Variants in ARHGAP25 observed in about 807,000 individuals in gnomAD.
ARHGAP25 encodes Rho GTPase activating protein 25, also known as rho GTPase-activating protein 25.
ARHGAP25 carries 34 observed loss-of-function variants against 71.0 expected under a neutral mutation model. That is an observed-to-expected ratio of 0.48 (90% CI 0.36 to 0.64). The LOEUF (loss-of-function observed/expected upper bound fraction) is 0.64, where lower values mean the gene tolerates loss of function less well. Ranked by LOEUF, ARHGAP25 falls within the 30% of genes least tolerant of loss-of-function variation. The pLI is 0.00. For missense variants in ARHGAP25, 706 were observed against 805.1 expected (o/e 0.88, Z 1.49); for synonymous variants, 282 against 296.5 (o/e 0.95, Z 0.50).
chr2:68,789,328 G>A (rs539974086), intron 4 of ARHGAP25, among the ~76,000 whole-genome samples: 26 of 152,206 alleles, frequency 1.7e-4, no homozygotes, highest in African/African-American at 2.9e-4. Context: ...GTGAGCCACC[G>A]TGCCCGGCCT....
chr2:68,784,712 C>T (rs1332225584), intron 3 of ARHGAP25, among the ~76,000 whole-genome samples: 2 of 152,284 alleles, frequency 1.3e-5, no homozygotes, highest in East Asian at 1.9e-4. Flanking sequence ...TCATTGAGCA[C>T]CTCCTATGAG....
chr2:68,739,484 G>C (rs571112227), intron 1 of ARHGAP25, among the ~76,000 whole-genome samples: 1 of 152,318 alleles, frequency 6.6e-6, no homozygotes, highest in East Asian at 1.9e-4. Context: ...GCCCACTATG[G>C]GGGTGTTGGA....
At position 68,817,904 on chromosome 2, in the gene ARHGAP25, G is replaced by A. The variant is rs762242936; in HGVS notation, c.913G>A (p.Val305Ile). ...FLHEIQLNCA[V>I]NKMSVDNLAT... ...ACATGAAATACAGCTGAACTGTGCT[G>A]TTAACAAGATGAGTGTGGACAACCT... is the stretch of plus-strand genomic sequence containing the variant. Residue 305 changes from valine to isoleucine, a missense_variant, in exon 8 of 11, where the codon GTT becomes ATT. Transcript: ENST00000409202. 9 of 1,613,970 alleles carry A rather than the reference G, an allele frequency of 5.6e-6. No individual in the cohort carries two copies. The highest frequency in any genetic ancestry group is 1.6e-4 in the Middle Eastern group (1 of 6,084).
At chr2:68,731,294 C>T (rs554417729), upstream of ARHGAP25, among the ~76,000 whole-genome samples, 63 of 152,222 alleles carry the variant, frequency 4.1e-4, no homozygotes, top group Admixed American at 4.1e-3. Flanking sequence ...TGGAACTACA[C>T]CCTTCCAGTG....
rs1573558629 is a variant in ARHGAP25 at position 68,795,805 on chromosome 2, C to T, written c.466+7849C>T. Among the ~76,000 whole-genome samples the T allele has an allele frequency of 3.3e-5, 5 of 152,234 alleles. No individual in the cohort carries two copies. In the South Asian group the frequency reaches 1.0e-3, roughly 32 times the overall value. The stretch of plus-strand genomic sequence containing the variant: ...ATTTGGTATAAAGTCTAATTTAAGA[C>T]TTTTAAATTTATTTTCTGTCTAGAT... On this transcript the variant is annotated intron_variant, in intron 4 of 10. Coordinates refer to ENST00000409202, the MANE Select transcript of ARHGAP25 (RefSeq NM_001007231.3).
chr2:68,755,818 C>T (rs1366082954), intron 1 of ARHGAP25, among the ~76,000 whole-genome samples: 1 of 152,186 alleles, frequency 6.6e-6, no homozygotes, highest in East Asian at 1.9e-4. Context: ...CTTGAGCACA[C>T]GGAGCAAATC....
In ARHGAP25 at chr2:68,774,931, C is replaced by A; in HGVS notation, c.62-290C>A. On this transcript the variant is annotated intron_variant, in intron 1 of 10. Coordinates refer to ENST00000409202, the MANE Select transcript of ARHGAP25 (RefSeq NM_001007231.3). The stretch of plus-strand genomic sequence containing the variant: ...CTTCAGAAGGCTCCAGCCAACCTTT[C>A]GGTTTGCAGAATGACGGGGCCCGCC... 2.8e-6 allele frequency: 4 copies of A among 1,405,580 alleles called. 1 individual carries two copies. The South Asian group carries it at 6.1e-5, about 22-fold the overall frequency. The allele number at this position is 1,405,580 out of a possible 1,614,324, so 87.1% of individuals were successfully genotyped here.
intron 2 of ARHGAP25, among the ~76,000 whole-genome samples, chr2:68,776,156 C>T (rs775400189): frequency 2.6e-5 from 4 of 152,096 alleles, no homozygotes; most frequent in Non-Finnish European, 4.4e-5. Flanking sequence ...CATGTCTGGC[C>T]TGGCTGCGGA....
rs952917138 is a variant in ARHGAP25 at position 68,710,729 on chromosome 2, A to G, written c.-18+31A>G. On this transcript the variant is annotated intron_variant and NMD_transcript_variant, in intron 2 of 7. Coordinates refer to the ARHGAP25 transcript ENST00000463483. Reference sequence around the variant, plus strand: ...TGACAGCTCCTTCTCAGAAGGTCAGAGTCCTCAGTCATCTGGTGATTTCAC... The same window carrying G: ...TGACAGCTCCTTCTCAGAAGGTCAGGGTCCTCAGTCATCTGGTGATTTCAC... 3.3e-5 allele frequency: 5 copies of G among 152,230 alleles called. No homozygotes were observed. The East Asian group carries it at 9.6e-4, about 29-fold the overall frequency. The allele number at this position is 152,230 out of a possible 1,614,324, so 9.4% of individuals were successfully genotyped here. A position where few individuals can be genotyped will look rare whatever the true frequency, so the allele number is the denominator to read the frequency against.
At chr2:68,735,638 G>A in intron 1 of ARHGAP25, 1 of 216,418 alleles carries the variant, frequency 4.6e-6, no homozygotes, top group Non-Finnish European at 9.2e-6. Context: ...CTTTTGAAGT[G>A]CTCAATCTGT....
chr2:68,824,480 C>T (rs778948317), intron 10 of ARHGAP25, among the ~76,000 whole-genome samples: 7 of 152,176 alleles, frequency 4.6e-5, no homozygotes, highest in Non-Finnish European at 7.3e-5. Context: ...TGGTGGCTCA[C>T]GCTTGTAATC....
rs762665009 is a variant in ARHGAP25 at position 68,822,765 on chromosome 2, A to G, written c.1626A>G (p.Gly542=). 6.2e-7 allele frequency: 1 copy of G among 1,614,210 alleles called. No individual in the cohort carries two copies. The highest frequency in any genetic ancestry group is 2.2e-5 in the East Asian group (1 of 44,886). Residue 542 remains glycine, a synonymous_variant, in exon 10 of 11, where the codon GGA becomes GGG. Transcript: ENST00000409202. ...GTCCAAACTCTGAAACTGGGCCTGGAAAAAAGAACTCTGGAGAAGAGGAAA... is the reference window on the plus strand; with the variant it reads ...GTCCAAACTCTGAAACTGGGCCTGGGAAAAAGAACTCTGGAGAAGAGGAAA... ...LASPNSETGP[G]KKNSGEEEID...
intron 1 of ARHGAP25, chr2:68,774,938 C>G: frequency 7.1e-7 from 1 of 1,409,000 alleles, no homozygotes; most frequent in African/African-American, 1.4e-5. Flanking sequence ...TTTCGGTTTG[C>G]AGAATGACGG....
chr2:68,809,314 G>A (rs1680609295), intron 5 of ARHGAP25, among the ~76,000 whole-genome samples: 1 of 152,140 alleles, frequency 6.6e-6, no homozygotes, highest in Non-Finnish European at 1.5e-5. Context: ...GGATGCATAG[G>A]GTAGGGAAAG....
At chr2:68,722,619 T>C (rs182069386) in intron 2 of ARHGAP25, among the ~76,000 whole-genome samples, 1 of 150,640 alleles carries the variant, frequency 6.6e-6, no homozygotes, top group Non-Finnish European at 1.5e-5. Context: ...AGACACTATA[T>C]TGAGTGCTTT....
chr2:68,811,028 C>A (rs1307114651), intron 5 of ARHGAP25, among the ~76,000 whole-genome samples: 1 of 152,212 alleles, frequency 6.6e-6, no homozygotes, highest in East Asian at 1.9e-4. Context: ...AGACATAAGC[C>A]ACTGTTCCCA....
At chr2:68,723,857 G>A (rs568345687) in intron 2 of ARHGAP25, among the ~76,000 whole-genome samples, 1 of 151,906 alleles carries the variant, frequency 6.6e-6, no homozygotes, top group South Asian at 2.1e-4. Context: ...GGGTGATGTG[G>A]GAGTAAATCT....
chr2:68,753,122 A>C (rs1236600207), intron 1 of ARHGAP25, among the ~76,000 whole-genome samples: 2 of 152,192 alleles, frequency 1.3e-5, no homozygotes, highest in Non-Finnish European at 2.9e-5. Flanking sequence ...ACTATTAGCT[A>C]TCTATCCTTC....
Position 68,767,473 on chromosome 2 carries a change from C to T in ARHGAP25, c.62-7748C>T, listed in dbSNP as rs1677199637. 6.6e-6 allele frequency among the ~76,000 whole-genome samples: 1 copy of T among 151,880 alleles called. No homozygotes were observed. The highest frequency in any genetic ancestry group is 1.5e-5 in the Non-Finnish European group (1 of 67,984). Reference sequence around the variant, plus strand: ...TATGTGTGCGGGGTGTGGGCAGGGACGTATGAATCTGTTTATCATTTTCAG... The same window carrying T: ...TATGTGTGCGGGGTGTGGGCAGGGATGTATGAATCTGTTTATCATTTTCAG... On this transcript the variant is annotated intron_variant, in intron 1 of 10. Coordinates refer to ENST00000409202, the MANE Select transcript of ARHGAP25 (RefSeq NM_001007231.3). This position sits in a 1 kb window ranked among gnomAD's most constrained non-coding sequence, Gnocchi z 4.6.
Sources: allele counts gnomAD v4.1 joint callset (sites outside exome capture counted in the v4.1 genomes callset), GRCh38; gene constraint gnomAD v4.1.1; non-coding constraint Gnocchi (gnomAD v3.1); transcripts MANE v1.5; gene names NCBI Gene and HGNC (gene_info 2026-07-23, HGNC 2026-07-21).